Variants in OGA observed in about 807,000 individuals in gnomAD.
OGA encodes O-GlcNAcase, also known as protein O-GlcNAcase.
OGA carries 21 observed loss-of-function variants against 102.0 expected under a neutral mutation model. The ratio of observed to expected loss-of-function variants is 0.21; its 90% CI spans 0.15 to 0.30. The LOEUF (loss-of-function observed/expected upper bound fraction) is 0.30. Ranked by LOEUF, OGA falls within the 10% of genes least tolerant of loss-of-function variation. The pLI, the probability that OGA is intolerant of heterozygous loss-of-function variation, is 1.00. For missense variants in OGA, 765 were observed against 1,107.8 expected, an observed-to-expected ratio of 0.69 and a Z score of 4.39; for synonymous variants, 408 against 378.2, an observed-to-expected ratio of 1.08 and a Z score of -0.91.
chr10:101,788,316 G>A (rs2065215856), intron 14 of OGA, among the ~76,000 whole-genome samples: 2 of 151,022 alleles, frequency 1.3e-5, no homozygotes, highest in African/African-American at 4.9e-5. Flanking sequence ...GCGTGCGCCT[G>A]TAGTCCCAGC....
Position 101,798,887 on chromosome 10 carries a change from A to G in OGA, c.1764T>C (p.Asn588=). The G allele has an allele frequency of 6.2e-7, 1 of 1,613,992 alleles. No individual in the cohort carries two copies. Among genetic ancestry groups the G allele is most frequent in the Non-Finnish European group, 8.5e-7 (1 of 1,179,980 alleles). The change falls in exon 9 of 16, where the codon AAT becomes AAC. Residue 588 remains asparagine (N), a synonymous_variant. Coordinates refer to ENST00000361464, the MANE Select transcript of OGA (RefSeq NM_012215.5). ...MLREFQWLRA[N]SSVVSVNCKG... is the part of the protein sequence containing the mutation. ...TGCAATTGACACTGACAACACTACT[A>G]TTTGCTCGAAGCCATTGAAATTCCC...
chr10:101,801,857 A>G (rs1158929926), intron 7 of OGA, among the ~76,000 whole-genome samples: 1 of 152,234 alleles, frequency 6.6e-6, no homozygotes, highest in East Asian at 1.9e-4. Context: ...TCAAAAGTTC[A>G]GTGTTCAGGC....
At chr10:101,800,181 TC>T in intron 8 of OGA, 60 bp downstream of exon 8, 1 of 1,544,294 alleles carries the variant, frequency 6.5e-7, no homozygotes, top group Non-Finnish European at 8.9e-7. Flanking sequence ...GAGACAGTGT[TC>T]TTTACTTTGT....
chr10:101,806,484 T>C (rs2065476514), intron 5 of OGA, among the ~76,000 whole-genome samples: 1 of 152,198 alleles, frequency 6.6e-6, no homozygotes, highest in Non-Finnish European at 1.5e-5. Flanking sequence ...CATGGGTTTT[T>C]GAATGTGGAA....
rs754866979 is a variant in OGA, at chr10:101,807,840, C to T, written c.542G>A (p.Cys181Tyr). The T allele has an allele frequency of 1.2e-6, 2 of 1,608,742 alleles. No homozygotes were observed. The highest frequency in any genetic ancestry group is 1.7e-6 in the Non-Finnish European group (2 of 1,178,020). Residue 181 changes from cysteine to tyrosine, a missense_variant, in exon 5 of 16, where the codon TGT (cysteine) becomes TAT (tyrosine). Physicochemically the swap from Cys to Tyr is radical, Grantham distance 194. Transcript: ENST00000361464. ...ACTGAATACCTCTTTGTCTGCTGCA[C>T]ACATATTATGGTCTATATCATCAAA... ...LLFDDIDHNM[C>Y]AADKEVFSSF...
rs185279769 is a variant in OGA at position 101,787,759 on chromosome 10, G to A, written c.2455-236C>T. ...CAGGCATTCTCCCTCGCGTGCACGC[G>A]CTCTCTCTCTCTCTCTCTCTCTTTC... On this transcript the variant is annotated intron_variant, in intron 14 of 15. Transcript: ENST00000361464. 5.3e-4 allele frequency: 197 copies of A among 373,828 alleles called. 2 individuals carry two copies. Among genetic ancestry groups the A allele is most frequent in the African/African-American group, 3.7e-3 (179 of 48,454 alleles). The allele number at this position is 373,828 out of a possible 1,614,324, so 23.2% of individuals were successfully genotyped here.
chr10:101,787,652 A>C (rs1262892451), intron 14 of OGA, 129 bp from the exon 15 acceptor site: 1 of 724,136 alleles, frequency 1.4e-6, no homozygotes, highest in Non-Finnish European at 2.2e-6. Flanking sequence ...TATCTCACAC[A>C]GGATTATCCT....
intron 11 of OGA, 69 bp from the exon 12 acceptor site, chr10:101,793,012 C>T: frequency 8.3e-7 from 1 of 1,200,778 alleles, no homozygotes; most frequent in Non-Finnish European, 1.2e-6. Context: ...TGGGTGTGCA[C>T]TGCAGATTAC....
At chr10:101,793,680 G>GTA (rs1227632610) in intron 11 of OGA, 14 of 426,372 alleles carry the variant, frequency 3.3e-5, no homozygotes, top group Non-Finnish European at 5.6e-5. Flanking sequence ...AATGTGAAGT[G>GTA]TATACCTAGA....
chr10:101,817,574 G>A (rs924431033), intron 1 of OGA, among the ~76,000 whole-genome samples: 8 of 152,130 alleles, frequency 5.3e-5, no homozygotes. Context: ...GCCTCCTTAG[G>A]AGGTGGCCTG....
chr10:101,791,587 A>G, intron 12 of OGA, 148 bp from the exon 13 acceptor site: 1 of 623,810 alleles, frequency 1.6e-6, no homozygotes, highest in East Asian at 2.8e-5. Flanking sequence ...TGTAAAATAA[A>G]GATTTATTCA....
chr10:101,800,771 CTTTTTTTTTTTT>C (rs771355527), intron 7 of OGA, among the ~76,000 whole-genome samples: 2 of 117,656 alleles, frequency 1.7e-5, no homozygotes, highest in South Asian at 5.8e-4. Flanking sequence ...CTTGTAACTT[CTTTTTTTTTTTT>C]TTTTTTTTTG....
chr10:101,799,734 G>C (rs2065364826), intron 8 of OGA, among the ~76,000 whole-genome samples: 1 of 152,128 alleles, frequency 6.6e-6, no homozygotes, highest in Non-Finnish European at 1.5e-5. Context: ...CAAAAAATAT[G>C]TTTTTAAGAG....
chr10:101,803,119 C>A (rs1466846208), intron 7 of OGA, among the ~76,000 whole-genome samples: 1 of 142,172 alleles, frequency 7.0e-6, no homozygotes, highest in African/African-American at 2.6e-5. Context: ...CCAGCCTGGG[C>A]GATGGAGCAA....
chr10:101,801,347 G>C (rs989456119), intron 7 of OGA, among the ~76,000 whole-genome samples: 1 of 151,060 alleles, frequency 6.6e-6, no homozygotes, highest in African/African-American at 2.4e-5. Context: ...AGCTGAGATC[G>C]GGCCATTGCA....
chr10:101,797,597 TAA>T, intron 10 of OGA: 1 of 348,676 alleles, frequency 2.9e-6, no homozygotes, highest in Non-Finnish European at 5.2e-6. Context: ...AACATAGCAT[TAA>T]TGTTATCAAG....
intron 7 of OGA, 84 bp downstream of exon 7, chr10:101,803,651 T>C (rs1811023231): frequency 2.3e-6 from 3 of 1,320,692 alleles, no homozygotes; most frequent in African/African-American, 1.5e-5. Flanking sequence ...TAAGTTGTGA[T>C]GACAAAGGAA....
chr10:101,801,278 G>C (rs192608569), intron 7 of OGA, among the ~76,000 whole-genome samples: 94 of 151,966 alleles, frequency 6.2e-4, no homozygotes, highest in African/African-American at 2.1e-3. Context: ...TGTAATCCCA[G>C]CTACTCGGGA....
rs548881789 is a variant in OGA at position 101,815,364 on chromosome 10, C to A, written c.200-1758G>T. On this transcript the variant is annotated intron_variant, in intron 1 of 15. Transcript: ENST00000361464. ...CACTATCTCGGCTCAATGCAATCTACGCCTCCAACTCCCGGGTTCAAGCGA... is the reference window on the plus strand; with the variant it reads ...CACTATCTCGGCTCAATGCAATCTAAGCCTCCAACTCCCGGGTTCAAGCGA... Among the ~76,000 whole-genome samples, 184 of 152,098 alleles carry A rather than the reference C, an allele frequency of 1.2e-3. 3 individuals are homozygous for A. The Middle Eastern group carries it at 0.034, about 28-fold the overall frequency.
Sources: allele counts gnomAD v4.1 joint callset (sites outside exome capture counted in the v4.1 genomes callset), GRCh38; gene constraint gnomAD v4.1.1; transcripts MANE v1.5; gene names NCBI Gene and HGNC (gene_info 2026-07-23, HGNC 2026-07-21).